The following MARCHF1 variants were observed in gnomAD, a reference collection of about 807,000 sequenced individuals.
The protein encoded by MARCHF1 is membrane associated ring-CH-type finger 1.
Under a neutral mutation model 54.2 loss-of-function variants are expected in MARCHF1, and 40 were observed. The observed-to-expected ratio is 0.74, with a 90% CI of 0.57 to 0.96. The LOEUF (loss-of-function observed/expected upper bound fraction) is 0.96, where lower values mean the gene tolerates loss of function less well. Ranked by LOEUF, MARCHF1 falls within the 40% of genes least tolerant of loss-of-function variation. The pLI is 0.00. For missense variants in MARCHF1, 586 were observed against 656.5 expected, an observed-to-expected ratio of 0.89 and a Z score of 1.17; for synonymous variants, 236 against 236.3, an observed-to-expected ratio of 1.00 and a Z score of 0.01.
intron 3 of MARCHF1, among the ~76,000 whole-genome samples, chr4:163,886,816 C>A (rs1355587537): frequency 6.6e-6 from 1 of 152,072 alleles, no homozygotes; most frequent in East Asian, 1.9e-4. Context: ...AGGCTTCATG[C>A]ATGAGGAACA....
intron 2 of MARCHF1, among the ~76,000 whole-genome samples, chr4:164,059,037 G>A (rs911436355): frequency 6.6e-6 from 1 of 152,142 alleles, no homozygotes; most frequent in Non-Finnish European, 1.5e-5. Context: ...TGCAAAAAGG[G>A]CTCATAGGAT....
intron 5 of MARCHF1, 65 bp downstream of exon 5, chr4:163,700,748 T>C: frequency 3.4e-6 from 4 of 1,189,968 alleles, no homozygotes; most frequent in Non-Finnish European, 4.8e-6. Context: ...TTAAACATTA[T>C]AAACATTTAT....
rs1277645920 is a variant in MARCHF1, at chr4:164,114,978, G to A, written c.-322-3316C>T. On this transcript the variant is annotated intron_variant, in intron 1 of 9. Coordinates refer to ENST00000514618, the MANE Select transcript of MARCHF1 (RefSeq NM_001394959.1). ...GTTCTGAAGAATCATCAAATGAAAT[G>A]TGTTCCCTTACAATCTCAGAAGGTG... Among the ~76,000 whole-genome samples, 8 of 152,052 alleles carry A rather than the reference G, an allele frequency of 5.3e-5. No individual in the cohort carries two copies. In the East Asian group the frequency reaches 1.3e-3, roughly 26 times the overall value.
chr4:164,169,567 A>C (rs1397117208), intron 1 of MARCHF1, among the ~76,000 whole-genome samples: 1 of 152,174 alleles, frequency 6.6e-6, no homozygotes, highest in Non-Finnish European at 1.5e-5. Context: ...GTCTTATTTT[A>C]AAATGTGTTC....
At chr4:164,301,368 AC>A (rs1734556933) in intron 1 of MARCHF1, among the ~76,000 whole-genome samples, 1 of 152,214 alleles carries the variant, frequency 6.6e-6, no homozygotes, top group African/African-American at 2.4e-5. Flanking sequence ...TTGTTTTCTA[AC>A]CTGGGTTAAA....
At chr4:163,888,561 G>C (rs923996488) in intron 3 of MARCHF1, among the ~76,000 whole-genome samples, 1 of 152,038 alleles carries the variant, frequency 6.6e-6, no homozygotes, top group African/African-American at 2.4e-5. Flanking sequence ...CTGATTATTT[G>C]CATTTTGAGT....
intron 2 of MARCHF1, among the ~76,000 whole-genome samples, chr4:164,050,866 G>C (rs1428773036): frequency 6.6e-6 from 1 of 152,112 alleles, no homozygotes; most frequent in Non-Finnish European, 1.5e-5. Flanking sequence ...CCAGGAGGCG[G>C]AGGTTGCGGT....
At chr4:164,271,512 C>G (rs1375832296) in intron 1 of MARCHF1, among the ~76,000 whole-genome samples, 3 of 152,116 alleles carry the variant, frequency 2.0e-5, no homozygotes, top group African/African-American at 4.8e-5. Flanking sequence ...CTGTCAACAA[C>G]TTGATTTTAG....
intron 4 of MARCHF1, among the ~76,000 whole-genome samples, chr4:163,848,224 T>G (rs1300065692): frequency 1.3e-5 from 2 of 152,176 alleles, no homozygotes; most frequent in Non-Finnish European, 2.9e-5. Flanking sequence ...TTTAATTTTT[T>G]TCTAGAGCAA....
chr4:163,770,546 A>T (rs4056991), intron 4 of MARCHF1, among the ~76,000 whole-genome samples: 3 of 108,000 alleles, frequency 2.8e-5, no homozygotes, highest in Admixed American at 9.1e-5. Flanking sequence ...ACACACACAC[A>T]CACACACACA....
chr4:164,035,930 T>TAAAAAAAAAAAAAAAAA (rs35474146), intron 2 of MARCHF1, among the ~76,000 whole-genome samples: 1 of 116,634 alleles, frequency 8.6e-6, no homozygotes, highest in Non-Finnish European at 1.7e-5. Flanking sequence ...AAACTAAAAC[T>TAAAAAAAAAAAAAAAAA]AAAAAAAAAA....
Position 164,097,160 on chromosome 4 carries a change from T to G in MARCHF1, c.-248+14428A>C, listed in dbSNP as rs1560902125. Among the ~76,000 whole-genome samples the G allele has an allele frequency of 2.0e-5, 3 of 152,188 alleles. No individual in the cohort carries two copies. In the South Asian group the frequency reaches 6.2e-4, roughly 31 times the overall value. ...AGTCTCACAACACAGCGTCTAGGCCTCATATTTTTTGAACTTACTGCCTAA... is the reference window on the plus strand; with the variant it reads ...AGTCTCACAACACAGCGTCTAGGCCGCATATTTTTTGAACTTACTGCCTAA... On this transcript the variant is annotated intron_variant, in intron 2 of 9. Coordinates refer to ENST00000514618, the MANE Select transcript of MARCHF1 (RefSeq NM_001394959.1).
At chr4:163,982,374 TGG>T (rs1302719883) in intron 3 of MARCHF1, among the ~76,000 whole-genome samples, 2 of 152,244 alleles carry the variant, frequency 1.3e-5, no homozygotes, top group Non-Finnish European at 2.9e-5. Context: ...CTGTATGCTC[TGG>T]GTAAATGTGC....
chr4:163,767,117 A>G (rs1199837920), intron 4 of MARCHF1, among the ~76,000 whole-genome samples: 1 of 150,566 alleles, frequency 6.6e-6, no homozygotes, highest in East Asian at 1.9e-4. Context: ...AAAAAAAAAA[A>G]AAAGTCTTAT....
chr4:163,903,092 A>C (rs1296664859), intron 3 of MARCHF1, among the ~76,000 whole-genome samples: 2 of 152,194 alleles, frequency 1.3e-5, no homozygotes, highest in East Asian at 1.9e-4. Flanking sequence ...CTGAAGATTC[A>C]GAAGACTCAG....
In MARCHF1 at chr4:164,176,976, CTCTCTATA is replaced by C. The variant is rs1342215291; in HGVS notation, c.-322-65322_-322-65315del. Among the ~76,000 whole-genome samples, 153 of 32,786 alleles carry C rather than the reference CTCTCTATA, an allele frequency of 4.7e-3. 2 individuals are homozygous for C. Among genetic ancestry groups the C allele is most frequent in the Middle Eastern group, 0.043 (3 of 70 alleles). 21.5% of individuals were successfully genotyped at this position (32,786 alleles called of 152,430 possible). On this transcript the variant is annotated intron_variant, in intron 1 of 9. Transcript: ENST00000514618. ...TCTCTCTCTCTCTCTCTCTCTCTCT[CTCTCTATA>C]TATATATATATATATATATATATAT...
chr4:163,653,310 A>G (rs1743031202), intron 5 of MARCHF1, among the ~76,000 whole-genome samples: 1 of 151,828 alleles, frequency 6.6e-6, no homozygotes, highest in Admixed American at 6.6e-5. Flanking sequence ...AGAAATAGCC[A>G]GGGGCCAGGT....
intron 1 of MARCHF1, among the ~76,000 whole-genome samples, chr4:164,285,429 GTTTAA>G (rs1475488339): frequency 3.3e-5 from 5 of 151,764 alleles, no homozygotes; most frequent in African/African-American, 1.2e-4. Flanking sequence ...AAACAAAAAT[GTTTAA>G]TTTAATTAAT....
At chr4:163,649,855 C>T (rs533568489) in intron 5 of MARCHF1, among the ~76,000 whole-genome samples, 46 of 151,770 alleles carry the variant, frequency 3.0e-4, no homozygotes, top group Non-Finnish European at 6.2e-4. Context: ...AGGGTAAGGG[C>T]AAAATGAGCA....
Sources: allele counts gnomAD v4.1 joint callset (sites outside exome capture counted in the v4.1 genomes callset), GRCh38; gene constraint gnomAD v4.1.1; transcripts MANE v1.5; gene names NCBI Gene and HGNC (gene_info 2026-07-23, HGNC 2026-07-21).